MAP3K14: variants seen among roughly 807,000 people sequenced by gnomAD.
The protein encoded by MAP3K14 is NF-kappa-beta-inducing kinase.
MAP3K14 carries 16 observed loss-of-function variants against 99.2 expected under a neutral mutation model. The observed-to-expected ratio is 0.16, with a 90% CI of 0.11 to 0.24. The LOEUF is 0.24. MAP3K14 is among the 10% of genes least tolerant of loss of function. The pLI is 1.00. For synonymous variants in MAP3K14, 462 were observed against 492.4 expected, an observed-to-expected ratio of 0.94 and a Z score of 0.82; for missense variants, 784 against 1,208.7, an observed-to-expected ratio of 0.65 and a Z score of 5.21.
At chr17:45,280,299 C>CTTT (rs751994880) in intron 6 of MAP3K14, among the ~76,000 whole-genome samples, 1,579 of 122,286 alleles carry the variant, frequency 0.013, 62 homozygotes, top group African/African-American at 0.035. Flanking sequence ...CACAGAAACA[C>CTTT]TTTTTTTTTT....
intron 3 of MAP3K14, among the ~76,000 whole-genome samples, chr17:45,288,907 G>C (rs933326707): frequency 6.6e-6 from 1 of 152,130 alleles, no homozygotes; most frequent in Non-Finnish European, 1.5e-5. Flanking sequence ...TCACGGTCAC[G>C]CAAGAGTGGG....
At position 45,264,554 on chromosome 17, in the gene MAP3K14, T is replaced by G; in HGVS notation, c.*82A>C. 2 of 1,439,746 alleles carry G rather than the reference T, an allele frequency of 1.4e-6. No homozygotes were observed. Among genetic ancestry groups the G allele is most frequent in the Non-Finnish European group, 1.8e-6 (2 of 1,090,012 alleles). The allele number at this position is 1,439,746 out of a possible 1,614,324, so 89.2% of individuals were successfully genotyped here. ...GGGCTGGCAGATCCCTGGGAACGGCTGAGCCTGTGTTTCAGGGCAGCATCG... is the reference window on the plus strand; with the variant it reads ...GGGCTGGCAGATCCCTGGGAACGGCGGAGCCTGTGTTTCAGGGCAGCATCG... On this transcript the variant is annotated 3_prime_UTR_variant, in exon 16 of 16. Transcript: ENST00000344686.
rs780471232 is a variant in MAP3K14, at chr17:45,284,989, G to C, written c.1153-40C>G. ...AGAGAGAGGACAGTTTCAGTGGCCA[G>C]GGCAGCAGAGGGCTACAGGGCTACA... On this transcript the variant is annotated intron_variant, in intron 5 of 15. Transcript: ENST00000344686. 8 of 1,545,508 alleles carry C rather than the reference G, an allele frequency of 5.2e-6. No individual in the cohort carries two copies. The South Asian group carries it at 9.6e-5, about 19-fold the overall frequency.
intron 11 of MAP3K14, among the ~76,000 whole-genome samples, chr17:45,269,441 A>C (rs1347009120): frequency 6.6e-6 from 1 of 152,098 alleles, no homozygotes; most frequent in Non-Finnish European, 1.5e-5. Flanking sequence ...TAAAAGCCTT[A>C]CTCTCCAAAA....
chr17:45,270,704 A>G, intron 10 of MAP3K14, 141 bp from the exon 11 acceptor site: 1 of 1,214,282 alleles, frequency 8.2e-7, no homozygotes, highest in Non-Finnish European at 1.1e-6. Flanking sequence ...GGTCTGGGCT[A>G]CAGTGAGGGC....
At chr17:45,280,890 C>T (rs1203863373) in intron 6 of MAP3K14, among the ~76,000 whole-genome samples, 7 of 152,118 alleles carry the variant, frequency 4.6e-5, no homozygotes, top group African/African-American at 9.7e-5. Context: ...GGATTACAGG[C>T]GTGAGCTACT....
At chr17:45,302,004 T>C (rs1293428195) in intron 1 of MAP3K14, among the ~76,000 whole-genome samples, 1 of 152,136 alleles carries the variant, frequency 6.6e-6, no homozygotes, top group Non-Finnish European at 1.5e-5. Context: ...TAATTTTTTG[T>C]ATTTTTGGTA....
chr17:45,293,429 C>A (rs547049202), intron 1 of MAP3K14, among the ~76,000 whole-genome samples: 1 of 152,310 alleles, frequency 6.6e-6, no homozygotes, highest in Admixed American at 6.5e-5. Context: ...GGCAGCTGTC[C>A]AGCGCCCCTC....
chr17:45,276,823 C>CTTTTTTTTT (rs35012373), intron 6 of MAP3K14, among the ~76,000 whole-genome samples: 1 of 62,258 alleles, frequency 1.6e-5, no homozygotes, highest in Non-Finnish European at 2.8e-5. Context: ...TCTTAGACTT[C>CTTTTTTTTT]TTTTTTTTTT....
In MAP3K14 at chr17:45,264,649, T is replaced by C; in HGVS notation, c.2831A>G (p.Glu944Gly). Residue 944 changes from glutamate (E) to glycine (G), a missense_variant, in exon 16 of 16, where the codon GAG becomes GGG. Around this residue, in one of 5 missense-constraint regions of MAP3K14, gnomAD observed 130 missense variants for 220.4 expected, o/e 0.59. Transcript: ENST00000344686. ...WSWRVKHGQLENRP is the reference protein window; with the variant it reads ...WSWRVKHGQLGNRP Reference sequence around the variant, plus strand: ...TGGAGGGCAGGGTTAGGGCCTGTTCTCCAGCTGGCCATGCTTGACCCTCCA... The same window carrying C: ...TGGAGGGCAGGGTTAGGGCCTGTTCCCCAGCTGGCCATGCTTGACCCTCCA... 3 of 1,583,798 alleles carry C rather than the reference T, an allele frequency of 1.9e-6. No individual in the cohort carries two copies. The highest frequency in any genetic ancestry group is 2.6e-6 in the Non-Finnish European group (3 of 1,165,632).
chr17:45,268,618 T>A (rs2044117247), intron 11 of MAP3K14: 1 of 152,070 alleles, frequency 6.6e-6, no homozygotes, highest in Non-Finnish European at 1.5e-5. Flanking sequence ...TCGGGTTCTC[T>A]TTTCACTCGG....
At chr17:45,298,045 A>C (rs1294719273) in intron 1 of MAP3K14, among the ~76,000 whole-genome samples, 5 of 152,182 alleles carry the variant, frequency 3.3e-5, no homozygotes, top group African/African-American at 7.2e-5. Flanking sequence ...AAACATGAAA[A>C]TCTAGACACC....
At chr17:45,290,343 C>T in intron 2 of MAP3K14, 147 bp downstream of exon 2, 16 of 1,061,762 alleles carry the variant, frequency 1.5e-5, no homozygotes, top group Non-Finnish European at 2.1e-5. Flanking sequence ...TTCCATGATT[C>T]TCGGCACAGA....
chr17:45,267,899 G>T lies in MAP3K14; in HGVS notation c.1973-140C>A. 1.5e-6 allele frequency: 1 copy of T among 685,746 alleles called. No individual in the cohort carries two copies. Among genetic ancestry groups the T allele is most frequent in the Non-Finnish European group, 2.5e-6 (1 of 403,292 alleles). The allele number at this position is 685,746 out of a possible 1,614,324, so 42.5% of individuals were successfully genotyped here. A position where few individuals can be genotyped will look rare whatever the true frequency, so the allele number is the denominator to read the frequency against. ...ACTGCCCCGGGCCACCATGGGAGGT[G>T]GCTCCAGAGGGCAGCATGGTGGTCT... On this transcript the variant is annotated intron_variant, in intron 11 of 15. Coordinates refer to ENST00000344686, the MANE Select transcript of MAP3K14 (RefSeq NM_003954.5). This position sits in a 1 kb window ranked among gnomAD's most constrained non-coding sequence, Gnocchi z 5.1.
rs1273910792 is a variant in MAP3K14, at chr17:45,312,349, C to A, written c.-21+4611G>T. 2.0e-5 allele frequency among the ~76,000 whole-genome samples: 3 copies of A among 152,280 alleles called. No individual in the cohort carries two copies. In the East Asian group the frequency reaches 5.8e-4, roughly 29 times the overall value. ...CTGCTGGTTTCATTTTCATCTGAACCGAGCTCCACATGAGGCTTGACATCC... is the reference window on the plus strand; with the variant it reads ...CTGCTGGTTTCATTTTCATCTGAACAGAGCTCCACATGAGGCTTGACATCC... On this transcript the variant is annotated intron_variant, in intron 1 of 15. Coordinates refer to ENST00000344686, the MANE Select transcript of MAP3K14 (RefSeq NM_003954.5).
At chr17:45,279,535 C>A (rs745894926) in intron 6 of MAP3K14, among the ~76,000 whole-genome samples, 2 of 151,838 alleles carry the variant, frequency 1.3e-5, no homozygotes, top group Non-Finnish European at 2.9e-5. Context: ...CAGGTTCAAG[C>A]GATTCTCCTG....
At chr17:45,270,989 C>CCAGCCTG in intron 10 of MAP3K14, 69 bp downstream of exon 10, 1 of 1,556,760 alleles carries the variant, frequency 6.4e-7, no homozygotes, top group South Asian at 1.2e-5. Context: ...AGCAGCCCCT[C>CCAGCCTG]CAGCCTGCAG....
In MAP3K14 at chr17:45,286,244, C is replaced by G. The variant is rs928036679; in HGVS notation, c.1152+187G>C. 6.6e-6 allele frequency among the ~76,000 whole-genome samples: 1 copy of G among 152,096 alleles called. No homozygotes were observed. The highest frequency in any genetic ancestry group is 2.4e-5 in the African/African-American group (1 of 41,418). ...GGTGACCAACCAGAAGAACTCAGAA[C>G]AGAAGACGCTAAAAAGGCTGTGAGA... On this transcript the variant is annotated intron_variant, in intron 5 of 15. Coordinates refer to ENST00000344686, the MANE Select transcript of MAP3K14 (RefSeq NM_003954.5). The surrounding 1 kb of genome is among the most constrained non-coding windows in gnomAD (Gnocchi z 4.1).
Position 45,264,855 on chromosome 17 carries a change from T to C in MAP3K14, c.2680-55A>G, listed in dbSNP as rs997169705. ...ATCATGGCATAGGGCTCAAGCCATGTAGAAAGGTAAAGACATCTCCTTCCA... is the reference window on the plus strand; with the variant it reads ...ATCATGGCATAGGGCTCAAGCCATGCAGAAAGGTAAAGACATCTCCTTCCA... On this transcript the variant is annotated intron_variant, in intron 15 of 15. Coordinates refer to ENST00000344686, the MANE Select transcript of MAP3K14 (RefSeq NM_003954.5). The C allele has an allele frequency of 4.8e-5, 76 of 1,570,874 alleles. No individual in the cohort carries two copies. In the Middle Eastern group the frequency reaches 1.2e-3, roughly 25 times the overall value.
Sources: gnomAD v4.1 joint callset for allele counts (sites outside exome capture counted in the v4.1 genomes callset) on GRCh38, gnomAD v4.1.1 for gene constraint, gnomAD v4.1.1 regional missense constraint, Gnocchi (gnomAD v3.1) non-coding constraint, MANE v1.5 for transcripts, NCBI Gene and HGNC (gene_info 2026-07-23, HGNC 2026-07-21) for gene names.